Variants in FGD6 observed in about 807,000 individuals in gnomAD.
FGD6 encodes FYVE, RhoGEF and PH domain containing 6, also known as FYVE, RhoGEF and PH domain-containing protein 6.
Under a neutral mutation model 149.4 loss-of-function variants are expected in FGD6, and 90 were observed. The ratio of observed to expected loss-of-function variants is 0.60; its 90% CI spans 0.51 to 0.72. The LOEUF is 0.72. FGD6 is among the 30% of genes least tolerant of loss of function. The probability of loss-of-function intolerance (pLI) is 0.00; values close to 1 mark genes in which losing one functional copy is unlikely to be tolerated. For missense variants in FGD6, 1,437 were observed against 1,684.8 expected, an observed-to-expected ratio of 0.85 and a Z score of 2.57; for synonymous variants, 527 against 584.0, an observed-to-expected ratio of 0.90 and a Z score of 1.41.
chr12:95,190,601 G>A (rs1228008431), intron 2 of FGD6, among the ~76,000 whole-genome samples: 4 of 152,002 alleles, frequency 2.6e-5, no homozygotes, highest in Non-Finnish European at 4.4e-5. Flanking sequence ...TATTTAGGCC[G>A]TACCCATATG....
At chr12:95,129,269 G>A (rs546869664) in intron 8 of FGD6, among the ~76,000 whole-genome samples, 10 of 138,014 alleles carry the variant, frequency 7.2e-5, no homozygotes, top group South Asian at 2.4e-4. Flanking sequence ...TAATCCATCC[G>A]TCCATGCATC....
At position 95,113,670 on chromosome 12, in the gene FGD6, TCCAG is replaced by T. The variant is rs1878910152; in HGVS notation, c.3110_3113del (p.Ala1037GlufsTer14). On this transcript the variant is annotated frameshift_variant, in exon 9 of 21. Coordinates refer to ENST00000343958, the MANE Select transcript of FGD6 (RefSeq NM_018351.4). LOFTEE classifies it high-confidence loss of function. The stretch of plus-strand genomic sequence containing the variant: ...ATTTACCTTGAGTGTCTCTGTAATC[TCCAG>T]CATCTTCTATGAGATTCTTCAAATA... 6.3e-7 allele frequency: 1 copy of T among 1,594,732 alleles called. No individual in the cohort carries two copies. The highest frequency in any genetic ancestry group is 8.5e-7 in the Non-Finnish European group (1 of 1,173,116).
chr12:95,126,730 CA>C lies in FGD6; in HGVS notation c.3082+8008del, dbSNP rs66512721. ...TGGGCGACAGAGTGAGACTCAGTCT[CA>C]AAAAAAAAAAAAAAGAAAAAGAAAA... On this transcript the variant is annotated intron_variant, in intron 8 of 20. Coordinates refer to ENST00000343958, the MANE Select transcript of FGD6 (RefSeq NM_018351.4). Among the ~76,000 whole-genome samples, 319 of 127,202 alleles carry C rather than the reference CA, an allele frequency of 2.5e-3. 2 individuals carry two copies. Among genetic ancestry groups the C allele is most frequent in the Middle Eastern group, 7.6e-3 (2 of 264 alleles). 83.4% of individuals were successfully genotyped at this position (127,202 alleles called of 152,430 possible). A position where few individuals can be genotyped will look rare whatever the true frequency, so the allele number is the denominator to read the frequency against.
At chr12:95,123,913 CT>C (rs796783011) in intron 8 of FGD6, among the ~76,000 whole-genome samples, 1,459 of 145,176 alleles carry the variant, frequency 0.01, 21 homozygotes, top group African/African-American at 0.034. Context: ...TTCTTTCTTC[CT>C]TTTTTTTTTT....
intron 7 of FGD6, among the ~76,000 whole-genome samples, chr12:95,136,381 C>G (rs1457045811): frequency 6.6e-6 from 1 of 151,998 alleles, no homozygotes; most frequent in Non-Finnish European, 1.5e-5. Context: ...AAAACAAAAA[C>G]AAACAAACAA....
In FGD6 at chr12:95,087,927, G is replaced by GA. The variant is rs948367135; in HGVS notation, c.3978+1641dup. ...AACTAGAATTGTTTCCTATCTCAGT[G>GA]AAAAAAAAGAGGAAAAAAATCCAAC... On this transcript the variant is annotated intron_variant, in intron 18 of 20. Transcript: ENST00000343958. 2.0e-5 allele frequency among the ~76,000 whole-genome samples: 3 copies of GA among 151,074 alleles called. No individual in the cohort carries two copies. The East Asian group carries it at 5.8e-4, about 29-fold the overall frequency.
chr12:95,122,793 C>T (rs561693393), intron 8 of FGD6, among the ~76,000 whole-genome samples: 1 of 150,958 alleles, frequency 6.6e-6, no homozygotes, highest in South Asian at 2.1e-4. Flanking sequence ...TAGAAAGTGT[C>T]ATCTCGGGAG....
chr12:95,107,670 C>G (rs1481250345), intron 11 of FGD6, 39 bp from the exon 12 acceptor site: 2 of 1,595,404 alleles, frequency 1.3e-6, no homozygotes, highest in South Asian at 2.2e-5. Flanking sequence ...GTCCTACCAT[C>G]ACAACACAAC....
At chr12:95,211,865 A>C (rs904495042) in intron 1 of FGD6, among the ~76,000 whole-genome samples, 5 of 152,150 alleles carry the variant, frequency 3.3e-5, no homozygotes, top group African/African-American at 1.2e-4. Flanking sequence ...ACAAAAAATG[A>C]GATAATTGAC....
intron 3 of FGD6, among the ~76,000 whole-genome samples, chr12:95,167,795 G>A (rs1390081237): frequency 4.6e-5 from 7 of 151,894 alleles, no homozygotes; most frequent in African/African-American, 9.7e-5. Context: ...GACTGGTATC[G>A]AACTCCTGAC....
In FGD6 at chr12:95,134,698, T is replaced by G. The variant is rs994385764; in HGVS notation, c.3082+41A>C. ...AAGGCAAGAAGAGTTGGCTGATGGA[T>G]AAACCAACTGGGTGGTTGGCAAAAT... is the stretch of plus-strand genomic sequence containing the variant. On this transcript the variant is annotated intron_variant, in intron 8 of 20. Transcript: ENST00000343958. 5 of 1,586,874 alleles carry G rather than the reference T, an allele frequency of 3.2e-6. No homozygotes were observed. The African/African-American group carries it at 4.0e-5, about 13-fold the overall frequency.
At chr12:95,093,708 T>C (rs1172523831) in intron 15 of FGD6, among the ~76,000 whole-genome samples, 3 of 143,752 alleles carry the variant, frequency 2.1e-5, no homozygotes, top group Non-Finnish European at 4.5e-5. Context: ...AATTAGCTGG[T>C]CATGGTGGCA....
intron 15 of FGD6, among the ~76,000 whole-genome samples, chr12:95,094,102 T>G (rs1878160693): frequency 6.6e-6 from 1 of 150,756 alleles, no homozygotes; most frequent in Non-Finnish European, 1.5e-5. Context: ...GAGGTTGCAG[T>G]GAGCTGAGTT....
At position 95,108,525 on chromosome 12, in the gene FGD6, G is replaced by A; in HGVS notation, c.3170C>T (p.Ala1057Val). 1 of 1,614,096 alleles carries A rather than the reference G, an allele frequency of 6.2e-7. No individual in the cohort carries two copies. The highest frequency in any genetic ancestry group is 8.5e-7 in the Non-Finnish European group (1 of 1,179,984). ...TACTCCTTGCTTCATGGTGTCATTG[G>A]CGTGGTTGGCTACCTCTATAACAAC... ...LAVVIEVANH[A>V]NDTMKQGDNF... Residue 1057 changes from alanine to valine, a missense_variant, in exon 10 of 21, where the codon GCC (alanine) becomes GTC (valine). Ala to Val is a moderately conservative substitution (Grantham distance 64, BLOSUM62 0). This residue lies in a region of FGD6 where 382 missense variants were observed against 538.7 expected (regional missense o/e 0.71). Transcript: ENST00000343958.
intron 6 of FGD6, among the ~76,000 whole-genome samples, chr12:95,140,889 T>C (rs1879822383): frequency 6.6e-6 from 1 of 152,118 alleles, no homozygotes; most frequent in South Asian, 2.1e-4. Context: ...AATAATAGTA[T>C]TGAGCTTGGT....
chr12:95,208,598 C>A (rs995561152), intron 2 of FGD6, among the ~76,000 whole-genome samples: 1 of 152,190 alleles, frequency 6.6e-6, no homozygotes, highest in African/African-American at 2.4e-5. Flanking sequence ...TGCAGCAGCA[C>A]CTACATTGCC....
chr12:95,111,325 C>T (rs185898132), intron 9 of FGD6, among the ~76,000 whole-genome samples: 187 of 152,232 alleles, frequency 1.2e-3, no homozygotes, highest in South Asian at 1.9e-3. Context: ...TACAGTGGGC[C>T]TCACTGTTCA....
At chr12:95,111,504 T>A (rs1878821364) in intron 9 of FGD6, among the ~76,000 whole-genome samples, 1 of 152,122 alleles carries the variant, frequency 6.6e-6, no homozygotes. Flanking sequence ...TTCTATAAGT[T>A]CCATGTATAA....
chr12:95,160,471 T>A (rs558875541), intron 3 of FGD6, among the ~76,000 whole-genome samples: 1 of 151,962 alleles, frequency 6.6e-6, no homozygotes, highest in Non-Finnish European at 1.5e-5. Flanking sequence ...AAATGAAAAA[T>A]AGCTCAGAGC....
Sources: gnomAD v4.1 joint callset for allele counts (sites outside exome capture counted in the v4.1 genomes callset) on GRCh38, gnomAD v4.1.1 for gene constraint, gnomAD v4.1.1 regional missense constraint, MANE v1.5 for transcripts, NCBI Gene and HGNC (gene_info 2026-07-23, HGNC 2026-07-21) for gene names.